The following NEK9 variants were observed in gnomAD, a reference collection of about 807,000 sequenced individuals.
NEK9 encodes the protein NIMA related kinase 9, also known as serine/threonine-protein kinase Nek9.
In NEK9, 75 loss-of-function variants were observed where a neutral mutation model predicts 123.4. The ratio of observed to expected loss-of-function variants is 0.61; its 90% CI spans 0.50 to 0.74. NEK9 has a LOEUF of 0.74. Ranked by LOEUF, NEK9 falls within the 30% of genes least tolerant of loss-of-function variation. NEK9 has a pLI of 0.00. For synonymous variants in NEK9, 438 were observed against 458.7 expected (o/e 0.95, Z 0.58); for missense variants, 952 against 1,214.4 (o/e 0.78, Z 3.21).
rs1029510438 is a variant in NEK9, at chr14:75,085,811, G to A, written c.2818-1125C>T. On this transcript the variant is annotated intron_variant, in intron 21 of 21. Coordinates refer to ENST00000238616, the MANE Select transcript of NEK9 (RefSeq NM_033116.6). ...GGGCTGAGGTCAGAGAATCACTTGAGCTTAGGAAGTCAAGGCTGCAGTGAT... is the reference window on the plus strand; with the variant it reads ...GGGCTGAGGTCAGAGAATCACTTGAACTTAGGAAGTCAAGGCTGCAGTGAT... Among the ~76,000 whole-genome samples the A allele has an allele frequency of 7.2e-5, 11 of 152,226 alleles. 2 individuals are homozygous for A. In the South Asian group the frequency reaches 1.5e-3, roughly 20 times the overall value.
rs1424019429 is a variant in NEK9 at position 75,083,351 on chromosome 14, A to G, written c.*1213T>C. 2 of 341,560 alleles carry G rather than the reference A, an allele frequency of 5.9e-6. No individual in the cohort carries two copies. The highest frequency in any genetic ancestry group is 2.1e-5 in the African/African-American group (1 of 47,570). The allele number at this position is 341,560 out of a possible 1,614,324, so 21.2% of individuals were successfully genotyped here. On this transcript the variant is annotated 3_prime_UTR_variant, in exon 22 of 22. Coordinates refer to ENST00000238616, the MANE Select transcript of NEK9 (RefSeq NM_033116.6). Reference sequence around the variant, plus strand: ...CTATGACACTATTTCTCTTTGGTAAAGCTAGCTTGTTTCTATCTACAAAGA... The same window carrying G: ...CTATGACACTATTTCTCTTTGGTAAGGCTAGCTTGTTTCTATCTACAAAGA...
At chr14:75,127,084 G>C (rs1895567797), upstream of NEK9, 3 of 571,956 alleles carry the variant, frequency 5.2e-6, no homozygotes, top group Non-Finnish European at 9.0e-6. Context: ...AGTTCTCTGT[G>C]TTTCCGGCCT....
chr14:75,084,197 A>T lies in NEK9; in HGVS notation c.*367T>A. ...GTACTGAATTCCCAAGGCAGCTTCC[A>T]ATCAATGGTGAAAATGATACATGGG... is the stretch of plus-strand genomic sequence containing the variant. On this transcript the variant is annotated 3_prime_UTR_variant, in exon 22 of 22. Transcript: ENST00000238616. 1 of 202,138 alleles carries T rather than the reference A, an allele frequency of 4.9e-6. No homozygotes were observed. The highest frequency in any genetic ancestry group is 5.2e-5 in the Admixed American group (1 of 19,230). 12.5% of individuals were successfully genotyped at this position (202,138 alleles called of 1,614,324 possible).
At chr14:75,095,991 A>C (rs917611179) in intron 17 of NEK9, among the ~76,000 whole-genome samples, 1 of 152,208 alleles carries the variant, frequency 6.6e-6, no homozygotes, top group Non-Finnish European at 1.5e-5. Flanking sequence ...TGGTATTCTT[A>C]AAAGCTTCTT....
intron 13 of NEK9, 31 bp downstream of exon 13, chr14:75,105,919 G>A: frequency 6.4e-7 from 1 of 1,566,448 alleles, no homozygotes; most frequent in Non-Finnish European, 8.8e-7. Context: ...ACTTAAGATA[G>A]GTTTTAGAAA....
Position 75,086,838 on chromosome 14 carries a change from G to A in NEK9, c.2817+180C>T, listed in dbSNP as rs556487525. On this transcript the variant is annotated intron_variant, in intron 21 of 21. Transcript: ENST00000238616. ...GGAGAATTGCTTGAATCCGGGAGGC[G>A]GAGGTTGCAGTAAGCCAAGATAGCA... 4.0e-4 allele frequency: 237 copies of A among 593,160 alleles called. 1 individual carries two copies. The highest frequency in any genetic ancestry group is 6.3e-4 in the Non-Finnish European group (213 of 335,892). 36.7% of individuals were successfully genotyped at this position (593,160 alleles called of 1,614,324 possible). A position where few individuals can be genotyped will look rare whatever the true frequency, so the allele number is the denominator to read the frequency against.
intron 2 of NEK9, among the ~76,000 whole-genome samples, chr14:75,122,898 A>G (rs1461455733): frequency 6.8e-6 from 1 of 147,034 alleles, no homozygotes; most frequent in African/African-American, 2.6e-5. Context: ...TCCCAGTCTC[A>G]AGCCATCCTC....
chr14:75,097,360 A>G, intron 16 of NEK9, 90 bp from the exon 17 acceptor site: 1 of 1,119,988 alleles, frequency 8.9e-7, no homozygotes, highest in Non-Finnish European at 1.2e-6. Flanking sequence ...AGAGCTAGAA[A>G]GACTTCCCAC....
rs1046407523 is a variant in NEK9, at chr14:75,126,992, G to A, written c.-71C>T. The A allele has an allele frequency of 3.9e-6, 5 of 1,269,564 alleles. No homozygotes were observed. Among genetic ancestry groups the A allele is most frequent in the Middle Eastern group, 2.6e-4 (1 of 3,846 alleles). The allele number at this position is 1,269,564 out of a possible 1,614,324, so 78.6% of individuals were successfully genotyped here. ...GCCCTGGCCGCGCTGCGTCCCGCTC[G>A]CTTCAGATGCCGGCCCGCGGATCCG... On this transcript the variant is annotated 5_prime_UTR_variant, in exon 1 of 22. Transcript: ENST00000238616.
intron 10 of NEK9, among the ~76,000 whole-genome samples, chr14:75,108,148 G>A (rs1309920809): frequency 6.7e-6 from 1 of 149,288 alleles, no homozygotes; most frequent in Non-Finnish European, 1.5e-5. Flanking sequence ...TTTTGAGACA[G>A]AGTTTCGCTC....
rs773758625 is a variant in NEK9 at position 75,087,057 on chromosome 14, T to C, written c.2778A>G (p.Gln926=). The C allele has an allele frequency of 1.1e-5, 18 of 1,614,238 alleles. No homozygotes were observed. The highest frequency in any genetic ancestry group is 2.2e-5 in the South Asian group (2 of 91,088). The change falls in exon 21 of 22, where the codon CAA becomes CAG. Residue 926 remains glutamine (Q), a synonymous_variant. Transcript: ENST00000238616. ...LQQENLQIFT[Q]LQKLNKKLEG... ...CTAATTTCTTGTTCAACTTCTGCAG[T>C]TGGGTAAAAATCTGGAGGTTTTCTT...
intron 17 of NEK9, among the ~76,000 whole-genome samples, chr14:75,096,040 T>C (rs1894370679): frequency 6.6e-6 from 1 of 152,074 alleles, no homozygotes; most frequent in African/African-American, 2.4e-5. Flanking sequence ...TCTCAGCACT[T>C]TGGGAGGCCG....
intron 16 of NEK9, among the ~76,000 whole-genome samples, chr14:75,098,742 G>A (rs1894468622): frequency 6.6e-6 from 1 of 152,182 alleles, no homozygotes; most frequent in African/African-American, 2.4e-5. Context: ...GTTCAGAGGA[G>A]TATAGGAACA....
intron 3 of NEK9, 88 bp downstream of exon 3, chr14:75,121,031 C>A (rs781128260): frequency 9.1e-7 from 1 of 1,092,974 alleles, no homozygotes; most frequent in South Asian, 1.3e-5. Flanking sequence ...AAAAAACACT[C>A]TTCACTATTG....
At chr14:75,109,949 G>T in intron 9 of NEK9, 72 bp from the exon 10 acceptor site, 1 of 1,430,264 alleles carries the variant, frequency 7.0e-7, no homozygotes, top group Non-Finnish European at 9.5e-7. Flanking sequence ...CTTCCAGTCT[G>T]TTCCCTGAGA....
intron 16 of NEK9, among the ~76,000 whole-genome samples, chr14:75,100,545 G>A (rs553065872): frequency 1.6e-4 from 24 of 152,220 alleles, no homozygotes; most frequent in South Asian, 6.2e-4. Flanking sequence ...ATAATATAGC[G>A]GAAAGCAGCC....
intron 21 of NEK9, 106 bp downstream of exon 21, chr14:75,086,912 A>G (rs781462339): frequency 2.5e-5 from 30 of 1,211,242 alleles, no homozygotes; most frequent in Non-Finnish European, 3.5e-5. Flanking sequence ...CTCAAAAAAA[A>G]AGTAAGGACC....
intron 20 of NEK9, 120 bp from the exon 21 acceptor site, chr14:75,087,350 C>CAAGATA: frequency 1.5e-6 from 1 of 673,372 alleles, no homozygotes; most frequent in Non-Finnish European, 2.5e-6. Flanking sequence ...ATCATATATA[C>CAAGATA]ACATGAATAT....
Position 75,124,231 on chromosome 14 carries a change from C to G in NEK9, c.220-8G>C, listed in dbSNP as rs758633193. On this transcript the variant is annotated splice_region_variant and splice_polypyrimidine_tract_variant and intron_variant, in intron 1 of 21. Coordinates refer to ENST00000238616, the MANE Select transcript of NEK9 (RefSeq NM_033116.6). The stretch of plus-strand genomic sequence containing the variant: ...CACAACCAGTGAGTCATCCTAAACA[C>G]AGTAACAGAGGTATCGTGCTTTTCC... The G allele has an allele frequency of 1.9e-6, 3 of 1,611,736 alleles. No homozygotes were observed. The East Asian group carries it at 6.7e-5, about 36-fold the overall frequency.
Sources: gnomAD v4.1 joint callset for allele counts (sites outside exome capture counted in the v4.1 genomes callset) on GRCh38, gnomAD v4.1.1 for gene constraint, MANE v1.5 for transcripts, NCBI Gene and HGNC (gene_info 2026-07-23, HGNC 2026-07-21) for gene names.